The following CNTLN variants were observed in gnomAD, a reference collection of about 807,000 sequenced individuals.
CNTLN encodes centlein, centrosomal protein.
CNTLN carries 212 observed loss-of-function variants against 180.0 expected under a neutral mutation model. The observed-to-expected ratio is 1.18, with a 90% CI of 1.05 to 1.32. The LOEUF (loss-of-function observed/expected upper bound fraction) is 1.32, where lower values mean the gene tolerates loss of function less well. CNTLN is among the 40% of genes most tolerant of loss of function. CNTLN has a pLI of 0.00. For synonymous variants in CNTLN, 722 were observed against 563.1 expected (o/e 1.28, Z -3.99); for missense variants, 2,095 against 1,610.9 (o/e 1.30, Z -5.14).
At chr9:17,218,693 T>C (rs1823928745) in intron 2 of CNTLN, among the ~76,000 whole-genome samples, 1 of 152,138 alleles carries the variant, frequency 6.6e-6, no homozygotes, top group Non-Finnish European at 1.5e-5. Flanking sequence ...GTCCAATAAA[T>C]AGCTTTATTT....
chr9:17,401,451 G>T (rs954221519), intron 15 of CNTLN, among the ~76,000 whole-genome samples: 1 of 151,742 alleles, frequency 6.6e-6, no homozygotes, highest in South Asian at 2.1e-4. Context: ...ATGGCTCACT[G>T]CATCCTCGAC....
chr9:17,471,245 G>A (rs1832029999), intron 23 of CNTLN, among the ~76,000 whole-genome samples: 1 of 151,844 alleles, frequency 6.6e-6, no homozygotes, highest in Non-Finnish European at 1.5e-5. Context: ...TCCTCACAAT[G>A]TAATCTTACT....
intron 25 of CNTLN, among the ~76,000 whole-genome samples, chr9:17,492,623 G>A (rs1833225441): frequency 6.6e-6 from 1 of 152,138 alleles, no homozygotes; most frequent in Non-Finnish European, 1.5e-5. Context: ...TTGTACACTT[G>A]TATGTTGCTA....
chr9:17,242,596 C>T (rs777274066), intron 5 of CNTLN, among the ~76,000 whole-genome samples: 1 of 152,214 alleles, frequency 6.6e-6, no homozygotes, highest in Admixed American at 6.5e-5. Context: ...CAGGCGTGAG[C>T]CACCACACCT....
chr9:17,295,016 A>C (rs1817761329), intron 6 of CNTLN, among the ~76,000 whole-genome samples: 1 of 151,398 alleles, frequency 6.6e-6, no homozygotes, highest in Non-Finnish European at 1.5e-5. Flanking sequence ...AATTGAGAGC[A>C]GCGCCGGTGG....
At chr9:17,419,723 T>C (rs1828556654) in intron 18 of CNTLN, among the ~76,000 whole-genome samples, 1 of 152,190 alleles carries the variant, frequency 6.6e-6, no homozygotes, top group South Asian at 2.1e-4. Context: ...TCTTCCACTG[T>C]ATATTTTAAA....
intron 2 of CNTLN, among the ~76,000 whole-genome samples, chr9:17,158,669 A>G (rs1206203466): frequency 2.0e-5 from 3 of 152,192 alleles, no homozygotes; most frequent in Middle Eastern, 3.4e-3. Context: ...ATAGTTGTTC[A>G]TAGTATTCCT....
chr9:17,139,162 A>G (rs923157962), intron 1 of CNTLN, among the ~76,000 whole-genome samples: 70 of 152,140 alleles, frequency 4.6e-4, no homozygotes, highest in African/African-American at 1.6e-3. Context: ...ATATGGGCTC[A>G]CTGTAACCTC....
intron 8 of CNTLN, among the ~76,000 whole-genome samples, chr9:17,327,415 A>G (rs1359753507): frequency 6.7e-6 from 1 of 150,324 alleles, no homozygotes; most frequent in Non-Finnish European, 1.5e-5. Flanking sequence ...CGATCTCCTG[A>G]CCTCGTGATC....
At chr9:17,181,835 AC>A (rs778273474) in intron 2 of CNTLN, among the ~76,000 whole-genome samples, 2 of 152,088 alleles carry the variant, frequency 1.3e-5, no homozygotes, top group Non-Finnish European at 2.9e-5. Context: ...CACTAATGCC[AC>A]CCTAGGTGGA....
At chr9:17,419,672 T>A (rs559685174) in intron 18 of CNTLN, among the ~76,000 whole-genome samples, 1 of 152,266 alleles carries the variant, frequency 6.6e-6, no homozygotes, top group South Asian at 2.1e-4. Flanking sequence ...AGAAAGCATA[T>A]ATAAGAAATA....
At chr9:17,467,906 A>G (rs903548902) in intron 23 of CNTLN, among the ~76,000 whole-genome samples, 2 of 151,746 alleles carry the variant, frequency 1.3e-5, no homozygotes, top group Non-Finnish European at 1.5e-5. Flanking sequence ...AACCAAAATA[A>G]TATAAATCCT....
At chr9:17,192,179 C>T (rs1821829462) in intron 2 of CNTLN, among the ~76,000 whole-genome samples, 2 of 150,872 alleles carry the variant, frequency 1.3e-5, no homozygotes, top group African/African-American at 2.4e-5. Context: ...ATACACAGTT[C>T]TTAGTGCTTT....
chr9:17,418,889 G>A (rs1319350735), intron 18 of CNTLN, among the ~76,000 whole-genome samples: 4 of 151,946 alleles, frequency 2.6e-5, no homozygotes, highest in South Asian at 4.1e-4. Flanking sequence ...ACCATTGTTC[G>A]TTAAGAGGTT....
intron 24 of CNTLN, among the ~76,000 whole-genome samples, chr9:17,485,833 C>CA (rs763882065): frequency 1.2e-4 from 18 of 151,776 alleles, no homozygotes; most frequent in Non-Finnish European, 1.9e-4. Flanking sequence ...AACAAATTAG[C>CA]AAAAAAAGCC....
At chr9:17,392,288 G>A (rs909284462) in intron 14 of CNTLN, among the ~76,000 whole-genome samples, 17 of 152,040 alleles carry the variant, frequency 1.1e-4, no homozygotes, top group African/African-American at 4.1e-4. Context: ...TTACTTACTT[G>A]CATCAAATAT....
chr9:17,172,274 C>T (rs1820468819), intron 2 of CNTLN, among the ~76,000 whole-genome samples: 1 of 152,104 alleles, frequency 6.6e-6, no homozygotes, highest in Admixed American at 6.5e-5. Flanking sequence ...AGCTCCTTAG[C>T]AGTAATGGCT....
chr9:17,437,032 A>T (rs1214514290), intron 18 of CNTLN, among the ~76,000 whole-genome samples: 1 of 152,196 alleles, frequency 6.6e-6, no homozygotes, highest in African/African-American at 2.4e-5. Context: ...GCGGTTATTG[A>T]TCTGTGCGTG....
chr9:17,517,042 G>C, the CNTLN span, among the ~76,000 whole-genome samples: 1 of 144,288 alleles, frequency 6.9e-6, no homozygotes, highest in Non-Finnish European at 1.5e-5. Context: ...ATCTTGAGTT[G>C]AATCCTGTCC....
Sources: allele counts gnomAD v4.1 joint callset (sites outside exome capture counted in the v4.1 genomes callset), GRCh38; gene constraint gnomAD v4.1.1; transcripts MANE v1.5; gene names NCBI Gene and HGNC (gene_info 2026-07-23, HGNC 2026-07-21).